The following LIMS1 variants were observed in gnomAD, a reference collection of about 807,000 sequenced individuals.
LIMS1 encodes LIM zinc finger domain containing 1.
Under a neutral mutation model 44.1 loss-of-function variants are expected in LIMS1, and 18 were observed. The ratio of observed to expected loss-of-function variants is 0.41; its 90% CI spans 0.28 to 0.61. The LOEUF is 0.61. Ranked by LOEUF, LIMS1 falls within the 20% of genes least tolerant of loss-of-function variation. The pLI, the probability that LIMS1 is intolerant of heterozygous loss-of-function variation, is 0.32. For synonymous variants in LIMS1, 93 were observed against 149.1 expected, an observed-to-expected ratio of 0.62 and a Z score of 2.74; for missense variants, 201 against 422.0, an observed-to-expected ratio of 0.48 and a Z score of 4.59.
At chr2:108,534,520 G>A in exon 1 of LIMS1, 1 of 1,197,666 alleles carries the variant, frequency 8.3e-7, no homozygotes, top group Non-Finnish European at 1.0e-6. Flanking sequence ...AGCGGCGCCG[G>A]GAGACGAGGG....
chr2:108,687,213 G>A (rs933506281), exon 10 of LIMS1: 1 of 152,066 alleles, frequency 6.6e-6, no homozygotes, highest in African/African-American at 2.4e-5. Flanking sequence ...TATATTCTTG[G>A]TGCTTAATAA....
intron 1 of LIMS1, among the ~76,000 whole-genome samples, chr2:108,545,195 G>T (rs1217615163): frequency 1.3e-5 from 2 of 152,128 alleles, no homozygotes; most frequent in African/African-American, 4.8e-5. Context: ...TTATCTTGAA[G>T]AATTTCCTGC....
chr2:108,662,697 T>C (rs2148976518), intron 2 of LIMS1: 2 of 937,630 alleles, frequency 2.1e-6, no homozygotes, highest in Non-Finnish European at 2.6e-6. Context: ...AGCAATAAGT[T>C]GTTTTCCAGA....
Position 108,534,467 on chromosome 2 carries a change from G to T in LIMS1, c.-96G>T. ...TTCCTCCCCTTCCTGCTCCGGGCCC[G>T]CCAGTAGCCGGCCGCGGCGGCGAGG... is the stretch of plus-strand genomic sequence containing the variant. On this transcript the variant is annotated 5_prime_UTR_variant, in exon 1 of 10. Coordinates refer to ENST00000544547, the Ensembl canonical transcript of LIMS1. The T allele has an allele frequency of 9.9e-7, 1 of 1,011,326 alleles. No homozygotes were observed. The highest frequency in any genetic ancestry group is 1.2e-6 in the Non-Finnish European group (1 of 807,262). The allele number at this position is 1,011,326 out of a possible 1,614,324, so 62.6% of individuals were successfully genotyped here.
chr2:108,639,218 A>G (rs924256242), intron 1 of LIMS1, among the ~76,000 whole-genome samples: 24 of 152,204 alleles, frequency 1.6e-4, no homozygotes, highest in African/African-American at 5.8e-4. Flanking sequence ...TGGAATGTCA[A>G]GAAAGCTTCC....
chr2:108,645,029 A>G lies in LIMS1; in HGVS notation c.33-14576A>G, dbSNP rs186101034. 1.0e-2 allele frequency among the ~76,000 whole-genome samples: 1,517 copies of G among 152,278 alleles called. 11 individuals carry two copies. The highest frequency in any genetic ancestry group is 0.024 in the Middle Eastern group (7 of 294). On this transcript the variant is annotated intron_variant, in intron 1 of 9. Transcript: ENST00000544547. ...AAGACCAGATCTTTGTTTGATTGGT[A>G]TACCTGAAAGTGACGGGGAGAATGG...
chr2:108,634,860 C>T (rs1417048847), intron 1 of LIMS1, among the ~76,000 whole-genome samples: 1 of 152,220 alleles, frequency 6.6e-6, no homozygotes, highest in Non-Finnish European at 1.5e-5. Context: ...AGCCACCCTC[C>T]CAGTCATCTT....
At chr2:108,671,876 A>G (rs1314052471) in intron 3 of LIMS1, among the ~76,000 whole-genome samples, 1 of 152,234 alleles carries the variant, frequency 6.6e-6, no homozygotes, top group African/African-American at 2.4e-5. Flanking sequence ...ACTCTGGTAG[A>G]CACATAAAAA....
intron 1 of LIMS1, among the ~76,000 whole-genome samples, chr2:108,590,236 TTGTG>T (rs1242893512): frequency 5.3e-5 from 8 of 152,254 alleles, no homozygotes; most frequent in African/African-American, 1.9e-4. Context: ...TAGATGTATG[TTGTG>T]TGTATGTACA....
At chr2:108,599,621 G>A (rs573046564) in intron 1 of LIMS1, among the ~76,000 whole-genome samples, 9 of 152,220 alleles carry the variant, frequency 5.9e-5, no homozygotes, top group African/African-American at 1.9e-4. Flanking sequence ...CACAGTGATT[G>A]TACTCATTTA....
intron 1 of LIMS1, among the ~76,000 whole-genome samples, chr2:108,604,197 C>T (rs75784098): frequency 0.026 from 3,912 of 151,688 alleles, 127 homozygotes; most frequent in South Asian, 0.14. Context: ...TTTTTTACAG[C>T]GTGTGAGCTA....
chr2:108,656,524 A>C (rs1314791491), intron 1 of LIMS1, among the ~76,000 whole-genome samples: 1 of 152,288 alleles, frequency 6.6e-6, no homozygotes, highest in African/African-American at 2.4e-5. Flanking sequence ...ACATTTAAAA[A>C]AAAAAACAAC....
chr2:108,614,664 AAAT>A (rs1471445108), intron 1 of LIMS1, among the ~76,000 whole-genome samples: 2 of 152,222 alleles, frequency 1.3e-5, no homozygotes, highest in East Asian at 3.8e-4. Flanking sequence ...AGTTAGGAAA[AAAT>A]AATAAATAAA....
chr2:108,611,192 C>A (rs559631825), intron 1 of LIMS1, among the ~76,000 whole-genome samples: 1 of 152,274 alleles, frequency 6.6e-6, no homozygotes, highest in African/African-American at 2.4e-5. Flanking sequence ...GTAAGTTACA[C>A]TTTCTATGTC....
intron 1 of LIMS1, chr2:108,659,085 G>A: frequency 2.2e-6 from 2 of 926,264 alleles, no homozygotes; most frequent in Non-Finnish European, 2.6e-6. Context: ...ATCTTGGCTG[G>A]TTTTAAGGCT....
chr2:108,568,822 A>T (rs964986108), intron 1 of LIMS1, among the ~76,000 whole-genome samples: 2 of 152,064 alleles, frequency 1.3e-5, no homozygotes, highest in Non-Finnish European at 2.9e-5. Context: ...AGCTATTTGT[A>T]TGTCATCTTT....
intron 1 of LIMS1, among the ~76,000 whole-genome samples, chr2:108,605,065 G>A (rs1215446133): frequency 6.6e-6 from 1 of 152,200 alleles, no homozygotes; most frequent in Non-Finnish European, 1.5e-5. Context: ...AATGTGTCTT[G>A]GGCTCTGGCC....
chr2:108,672,809 A>G, intron 4 of LIMS1, 71 bp from the exon 5 acceptor site: 5 of 470,342 alleles, frequency 1.1e-5, no homozygotes, highest in Non-Finnish European at 1.8e-5. Flanking sequence ...TTCAGAGATA[A>G]GGGAAGCATA....
chr2:108,665,840 G>A (rs1691719114), intron 2 of LIMS1, among the ~76,000 whole-genome samples: 1 of 152,058 alleles, frequency 6.6e-6, no homozygotes, highest in Admixed American at 6.6e-5. Flanking sequence ...TTTCCTTTTA[G>A]GACTTAGCCT....
Sources: allele counts gnomAD v4.1 joint callset (sites outside exome capture counted in the v4.1 genomes callset), GRCh38; gene constraint gnomAD v4.1.1; transcripts MANE v1.5; gene names NCBI Gene and HGNC (gene_info 2026-07-23, HGNC 2026-07-21).